Variants in NPR1 observed in about 807,000 individuals in gnomAD.
NPR1 encodes natriuretic peptide receptor 1, also known as atrial natriuretic peptide receptor 1.
NPR1 carries 57 observed loss-of-function variants against 116.9 expected under a neutral mutation model. The ratio of observed to expected loss-of-function variants is 0.49; its 90% CI spans 0.39 to 0.61. The LOEUF (loss-of-function observed/expected upper bound fraction) is 0.61, where lower values mean the gene tolerates loss of function less well. Ranked by LOEUF, NPR1 falls within the 20% of genes least tolerant of loss-of-function variation. The pLI, the probability that NPR1 is intolerant of heterozygous loss-of-function variation, is 0.00. For synonymous variants in NPR1, 555 were observed against 601.6 expected, an observed-to-expected ratio of 0.92 and a Z score of 1.13; for missense variants, 1,096 against 1,409.8, an observed-to-expected ratio of 0.78 and a Z score of 3.56.
Position 153,682,579 on chromosome 1 carries a change from G to A in NPR1, c.1253G>A (p.Gly418Asp), listed in dbSNP as rs1176072396. The change falls in exon 5 of 22, where the codon GGT becomes GAT. Residue 418 changes from glycine to aspartate, a missense_variant. Transcript: ENST00000368680. ...FSLWDMDPENGAFRVVLNYNG... is the reference protein window; with the variant it reads ...FSLWDMDPENDAFRVVLNYNG... Reference sequence around the variant, plus strand: ...CTCTGGGATATGGATCCCGAGAATGGTGCCTTCAGGGTAAGTTTGTGCACC... The same window carrying A: ...CTCTGGGATATGGATCCCGAGAATGATGCCTTCAGGGTAAGTTTGTGCACC... The A allele has an allele frequency of 6.2e-7, 1 of 1,613,426 alleles. No homozygotes were observed.
In NPR1 at chr1:153,683,841, G is replaced by C. The variant is rs375841618; in HGVS notation, c.1484+17G>C. ...CATATACAGGTGAGCTGTGATGTGG[G>C]GGGTTGAGTGAGGCTGGGGGACCCG... On this transcript the variant is annotated intron_variant, in intron 7 of 21. Transcript: ENST00000368680. The C allele has an allele frequency of 6.5e-5, 105 of 1,610,586 alleles. 1 individual carries two copies. The South Asian group carries it at 7.7e-4, about 12-fold the overall frequency.
intron 8 of NPR1, 137 bp downstream of exon 8, chr1:153,685,221 T>TG: frequency 1.7e-6 from 2 of 1,183,366 alleles, no homozygotes; most frequent in Non-Finnish European, 2.3e-6. Context: ...GAGCGACTCA[T>TG]AGTCCCTCTC....
chr1:153,685,225 C>G, intron 8 of NPR1, 141 bp downstream of exon 8: 2 of 1,173,132 alleles, frequency 1.7e-6, no homozygotes, highest in Non-Finnish European at 2.4e-6. Context: ...GACTCATAGT[C>G]CCTCTCCGAG....
chr1:153,685,194 A>G, intron 8 of NPR1, 110 bp downstream of exon 8: 8 of 1,427,958 alleles, frequency 5.6e-6, no homozygotes, highest in Admixed American at 2.2e-5. Context: ...CTCTGCTTTC[A>G]CTTGCTGTGT....
intron 1 of NPR1, among the ~76,000 whole-genome samples, chr1:153,680,204 T>C: frequency 7.6e-6 from 1 of 132,194 alleles, no homozygotes; most frequent in African/African-American, 2.9e-5. Flanking sequence ...CCCTCCTCTC[T>C]CCCTCCTGGC....
intron 19 of NPR1, 143 bp from the exon 20 acceptor site, chr1:153,690,141 T>TCA (rs149726910): frequency 0.069 from 24,369 of 353,746 alleles, 1,002 homozygotes; most frequent in Non-Finnish European, 0.079. Flanking sequence ...TCTCTCTCTC[T>TCA]CACACACACA....
At position 153,678,779 on chromosome 1, in the gene NPR1, C is replaced by T. The variant is rs1176325866; in HGVS notation, c.-330C>T. ...CTCTCTCATCCTTCTTCACGAAGCG[C>T]TCACTCGCACCCTTTCTCTCTCTCT... is the stretch of plus-strand genomic sequence containing the variant. On this transcript the variant is annotated 5_prime_UTR_variant, in exon 1 of 22. Coordinates refer to ENST00000368680, the MANE Select transcript of NPR1 (RefSeq NM_000906.4). This position sits in a 1 kb window ranked among gnomAD's most constrained non-coding sequence, Gnocchi z 5.8. The T allele has an allele frequency of 5.7e-6, 2 of 353,334 alleles. No homozygotes were observed. The highest frequency in any genetic ancestry group is 5.2e-5 in the Admixed American group (1 of 19,312). The allele number at this position is 353,334 out of a possible 1,614,324, so 21.9% of individuals were successfully genotyped here.
chr1:153,680,552 C>T lies in NPR1; in HGVS notation c.773C>T (p.Ala258Val). Residue 258 changes from alanine to valine, a missense_variant, in exon 2 of 22, where the codon GCC (alanine) becomes GTC (valine). Transcript: ENST00000368680. ...PDAFRTLMLLALEAGLCGEDY... is the reference protein window; with the variant it reads ...PDAFRTLMLLVLEAGLCGEDY... ...GCCTTCAGAACCCTCATGCTCCTGG[C>T]CCTGGAAGCTGGCTTGTGTGGGGAG... 6.2e-7 allele frequency: 1 copy of T among 1,614,198 alleles called. No homozygotes were observed. The highest frequency in any genetic ancestry group is 8.5e-7 in the Non-Finnish European group (1 of 1,180,038).
At chr1:153,684,882 C>T (rs926418309) in intron 7 of NPR1, 82 bp from the exon 8 acceptor site, 16 of 1,564,738 alleles carry the variant, frequency 1.0e-5, no homozygotes, top group African/African-American at 2.7e-5. Flanking sequence ...TGTGGTCCCA[C>T]GGCTCTGAGG....
Position 153,689,254 on chromosome 1 carries a change from C to G in NPR1, c.2631C>G (p.Ile877Met). Residue 877 changes from isoleucine (I) to methionine (M), a missense_variant, in exon 17 of 22, where the codon ATC becomes ATG. Ile to Met is a conservative substitution (Grantham distance 10). Coordinates refer to ENST00000368680, the MANE Select transcript of NPR1 (RefSeq NM_000906.4). This position sits in a 1 kb window ranked among gnomAD's most constrained non-coding sequence, Gnocchi z 5.1. ...VQAEAFDSVT[I>M]YFSDIVGFTA... ...CCGAAGCCTTTGACAGTGTTACCAT[C>G]TACTTCAGTGACATTGTGGGTTTCA... 2 of 1,614,242 alleles carry G rather than the reference C, an allele frequency of 1.2e-6. No homozygotes were observed. The highest frequency in any genetic ancestry group is 2.2e-5 in the East Asian group (1 of 44,890).
At chr1:153,691,357 C>T (rs1670104751) in intron 20 of NPR1, among the ~76,000 whole-genome samples, 1 of 152,190 alleles carries the variant, frequency 6.6e-6, no homozygotes, top group Non-Finnish European at 1.5e-5. Flanking sequence ...CAATTCAATG[C>T]AGTAAACATT....
chr1:153,682,834 G>C (rs183231102), intron 5 of NPR1, among the ~76,000 whole-genome samples: 111 of 152,282 alleles, frequency 7.3e-4, no homozygotes, highest in African/African-American at 2.6e-3. Context: ...GCCTGCCCTC[G>C]GGGAGCTCCG....
In NPR1 at chr1:153,691,340, T is replaced by C. The variant is rs115068938; in HGVS notation, c.3031+958T>C. On this transcript the variant is annotated intron_variant, in intron 20 of 21. Coordinates refer to ENST00000368680, the MANE Select transcript of NPR1 (RefSeq NM_000906.4). Reference sequence around the variant, plus strand: ...GTTTATCTTCTATCCTTCTGCTGTATTCGACACAATTCAATGCAGTAAACA... The same window carrying C: ...GTTTATCTTCTATCCTTCTGCTGTACTCGACACAATTCAATGCAGTAAACA... Among the ~76,000 whole-genome samples the C allele has an allele frequency of 7.9e-3, 1,207 of 152,314 alleles. 10 individuals carry two copies. Among genetic ancestry groups the C allele is most frequent in the African/African-American group, 0.028 (1,158 of 41,572 alleles).
chr1:153,679,865 C>T lies in NPR1; in HGVS notation c.721+36C>T, dbSNP rs913266314. On this transcript the variant is annotated intron_variant, in intron 1 of 21. Transcript: ENST00000368680. The surrounding 1 kb of genome is among the most constrained non-coding windows in gnomAD (Gnocchi z 4.2). The stretch of plus-strand genomic sequence containing the variant: ...GGCACACCCCGTCCCGCCGCTTAGC[C>T]GCAGGGCCTCCCCTCTGACCTGCCG... 9.1e-6 allele frequency: 14 copies of T among 1,531,372 alleles called. No individual in the cohort carries two copies. In the African/African-American group the frequency reaches 9.6e-5, roughly 11 times the overall value. 94.9% of individuals were successfully genotyped at this position (1,531,372 alleles called of 1,614,324 possible).
In NPR1 at chr1:153,693,088, C is replaced by A; in HGVS notation, c.3032-18C>A. The A allele has an allele frequency of 6.3e-7, 1 of 1,598,420 alleles. No homozygotes were observed. Among genetic ancestry groups the A allele is most frequent in the Non-Finnish European group, 8.5e-7 (1 of 1,170,658 alleles). ...TCTCTCACATTGCTCACCTTCCCTT[C>A]TCCCCTGTCCTACCCAGCCCTGAAG... On this transcript the variant is annotated intron_variant, in intron 20 of 21. Coordinates refer to ENST00000368680, the MANE Select transcript of NPR1 (RefSeq NM_000906.4).
rs1393249765 is a variant in NPR1, at chr1:153,679,607, G to A, written c.499G>A (p.Asp167Asn). The A allele has an allele frequency of 3.8e-6, 6 of 1,584,380 alleles. No homozygotes were observed. The highest frequency in any genetic ancestry group is 1.3e-5 in the African/African-American group (1 of 74,338). Residue 167 changes from aspartate to asparagine, a missense_variant, in exon 1 of 22, where the codon GAC becomes AAC. Physicochemically the swap from Asp to Asn is conservative, Grantham distance 23 (BLOSUM62 1). Transcript: ENST00000368680. This position sits in a 1 kb window ranked among gnomAD's most constrained non-coding sequence, Gnocchi z 4.2. ...RAGPSYAKLG[D>N]FVAALHRRLG... The stretch of plus-strand genomic sequence containing the variant: ...GGGGCCCAGCTACGCCAAGCTGGGG[G>A]ACTTCGTGGCGGCGCTGCACCGACG...
chr1:153,685,179 C>T (rs896199697), intron 8 of NPR1, 95 bp downstream of exon 8: 15 of 1,481,570 alleles, frequency 1.0e-5, no homozygotes, highest in Non-Finnish European at 1.4e-5. Flanking sequence ...GGATTCTAGT[C>T]CCAGCTCTGC....
rs1355208361 is a variant in NPR1 at position 153,689,713 on chromosome 1, G to T, written c.2758-93G>T. On this transcript the variant is annotated intron_variant, in intron 18 of 21. Transcript: ENST00000368680. This position sits in a 1 kb window ranked among gnomAD's most constrained non-coding sequence, Gnocchi z 5.1. ...GGGGGATGAGCAAAGACAGATGAGG[G>T]TACAGAATGACAGACGCTGCACCCG... 1.5e-6 allele frequency: 2 copies of T among 1,358,000 alleles called. No homozygotes were observed. Among genetic ancestry groups the T allele is most frequent in the African/African-American group, 1.4e-5 (1 of 69,328 alleles). The allele number at this position is 1,358,000 out of a possible 1,614,324, so 84.1% of individuals were successfully genotyped here.
Position 153,693,514 on chromosome 1 carries a change from G to A in NPR1, c.*100G>A, listed in dbSNP as rs1296727871. 1 of 1,088,210 alleles carries A rather than the reference G, an allele frequency of 9.2e-7. No homozygotes were observed. Among genetic ancestry groups the A allele is most frequent in the African/African-American group, 1.6e-5 (1 of 63,486 alleles). The allele number at this position is 1,088,210 out of a possible 1,614,324, so 67.4% of individuals were successfully genotyped here. On this transcript the variant is annotated 3_prime_UTR_variant, in exon 22 of 22. Coordinates refer to ENST00000368680, the MANE Select transcript of NPR1 (RefSeq NM_000906.4). ...ACCCACAGCAGCCCCATCGCCAAAG[G>A]ATGGAAGTAATTTGAATAGCTCAGG...
Sources: allele counts gnomAD v4.1 joint callset (sites outside exome capture counted in the v4.1 genomes callset), GRCh38; gene constraint gnomAD v4.1.1; non-coding constraint Gnocchi (gnomAD v3.1); transcripts MANE v1.5; gene names NCBI Gene and HGNC (gene_info 2026-07-23, HGNC 2026-07-21).